Variants in ZNF470 observed in about 807,000 individuals in gnomAD.
ZNF470 encodes zinc finger protein 470, also known as chondrogenesis zinc finger protein 1.
Under a neutral mutation model 13.9 loss-of-function variants are expected in ZNF470, and 13 were observed. That is an observed-to-expected ratio of 0.94 (90% confidence interval 0.61 to 1.49). The LOEUF (loss-of-function observed/expected upper bound fraction) is 1.49, where lower values mean the gene tolerates loss of function less well. Among genes scored for constraint, ZNF470 ranks in the 40% most tolerant of loss-of-function variants. The pLI is 0.00. For synonymous variants in ZNF470, 293 were observed against 282.9 expected (o/e 1.04, Z -0.36); for missense variants, 929 against 857.3 (o/e 1.08, Z -1.04).
intron 3 of ZNF470, chr19:56,574,033 G>T: frequency 1.2e-6 from 1 of 809,400 alleles, no homozygotes. Flanking sequence ...GAGCTCTTTA[G>T]CTTCTCCATG....
At chr19:56,570,450 T>C (rs1010175278) in intron 3 of ZNF470, 79 bp downstream of exon 3, 1 of 1,431,628 alleles carries the variant, frequency 7.0e-7, no homozygotes. Context: ...CTTCTGAAAA[T>C]ATTGTGCTTA....
intron 3 of ZNF470, among the ~76,000 whole-genome samples, chr19:56,571,409 C>G (rs1033130543): frequency 6.6e-6 from 1 of 152,126 alleles, no homozygotes; most frequent in African/African-American, 2.4e-5. Flanking sequence ...CAAACTGACC[C>G]TACCCTAGAA....
chr19:56,569,439 T>TGC (rs2044434782), intron 2 of ZNF470, among the ~76,000 whole-genome samples: 1 of 152,210 alleles, frequency 6.6e-6, no homozygotes, highest in African/African-American at 2.4e-5. Flanking sequence ...CCTGGCCAAC[T>TGC]GCACAGAGGA....
At position 56,577,579 on chromosome 19, in the gene ZNF470, A is replaced by G; in HGVS notation, c.1150A>G (p.Ile384Val). ...AGCTTTCAGGCAGAATGCTTCTCTT[A>G]TACGTCATCGGCGATATTATCATAC... ...GKAFRQNASL[I>V]RHRRYYHTGE... The change falls in exon 6 of 6, where the codon ATA (isoleucine) becomes GTA (valine). Residue 384 changes from isoleucine (I) to valine (V), a missense_variant. Transcript: ENST00000330619. The G allele has an allele frequency of 6.2e-7, 1 of 1,614,018 alleles. No individual in the cohort carries two copies. Among genetic ancestry groups the G allele is most frequent in the Non-Finnish European group, 8.5e-7 (1 of 1,179,980 alleles).
In ZNF470 at chr19:56,578,587, C is replaced by T; in HGVS notation, c.*4C>T. The T allele has an allele frequency of 1.3e-6, 2 of 1,510,256 alleles. No homozygotes were observed. The highest frequency in any genetic ancestry group is 1.8e-6 in the Non-Finnish European group (2 of 1,128,942). The allele number at this position is 1,510,256 out of a possible 1,614,324, so 93.6% of individuals were successfully genotyped here. On this transcript the variant is annotated 3_prime_UTR_variant, in exon 6 of 6. Coordinates refer to ENST00000330619, the MANE Select transcript of ZNF470 (RefSeq NM_001001668.4). ...CCCATACCACCAAGTCCTATAGATT[C>T]AATCTCGTAAATGCTTCTAGCATCC...
intron 3 of ZNF470, among the ~76,000 whole-genome samples, chr19:56,572,142 CA>C (rs2044456197): frequency 6.7e-6 from 1 of 149,628 alleles, no homozygotes; most frequent in Admixed American, 6.7e-5. Flanking sequence ...CTCTTTTTCC[CA>C]GTGAAAGTTG....
rs373637207 is a variant in ZNF470, at chr19:56,578,141, G to A, written c.1712G>A (p.Gly571Glu). The A allele has an allele frequency of 2.5e-6, 4 of 1,613,948 alleles. No homozygotes were observed. Among genetic ancestry groups the A allele is most frequent in the Non-Finnish European group, 2.5e-6 (3 of 1,180,000 alleles). ...GEKPYECIEC[G>E]KAFSDGSYLV... ...AAGCCTTACGAATGTATTGAATGTG[G>A]GAAGGCCTTTAGTGATGGCTCATAT... Residue 571 changes from glycine (G) to glutamate (E), a missense_variant, in exon 6 of 6, where the codon GGG (glycine) becomes GAG (glutamate). Coordinates refer to ENST00000330619, the MANE Select transcript of ZNF470 (RefSeq NM_001001668.4).
intron 5 of ZNF470, 125 bp from the exon 6 acceptor site, chr19:56,576,588 A>G: frequency 1.4e-6 from 1 of 713,020 alleles, no homozygotes; most frequent in Non-Finnish European, 2.1e-6. Flanking sequence ...CTTATGTAAG[A>G]ACCATAAAAA....
intron 3 of ZNF470, among the ~76,000 whole-genome samples, chr19:56,572,340 C>CAAAA (rs564410370): frequency 2.0e-3 from 33 of 16,398 alleles, no homozygotes; most frequent in East Asian, 6.4e-3. Flanking sequence ...CCTGTCTCTA[C>CAAAA]AAAAAAAAAA....
chr19:56,567,730 G>A lies in ZNF470; in HGVS notation c.-467G>A. On this transcript the variant is annotated 5_prime_UTR_variant, in exon 1 of 6. Coordinates refer to ENST00000330619, the MANE Select transcript of ZNF470 (RefSeq NM_001001668.4). ...CCCGGTGTGTGACTGTCCGGTGCGT[G>A]GCCGCGAATCTGCGCCTGCGTGCAT... 1 of 988,342 alleles carries A rather than the reference G, an allele frequency of 1.0e-6. No individual in the cohort carries two copies. Among genetic ancestry groups the A allele is most frequent in the Non-Finnish European group, 1.2e-6 (1 of 832,216 alleles). The allele number at this position is 988,342 out of a possible 1,614,324, so 61.2% of individuals were successfully genotyped here. A position where few individuals can be genotyped will look rare whatever the true frequency, so the allele number is the denominator to read the frequency against.
chr19:56,577,077 A>T lies in ZNF470; in HGVS notation c.648A>T (p.Lys216Asn). 6.3e-7 allele frequency: 1 copy of T among 1,595,018 alleles called. No individual in the cohort carries two copies. The highest frequency in any genetic ancestry group is 8.5e-7 in the Non-Finnish European group (1 of 1,174,672). The change falls in exon 6 of 6, where the codon AAA becomes AAT. Residue 216 changes from lysine to asparagine, a missense_variant. Transcript: ENST00000330619. ...KKSLKTHSVV[K>N]KHKQDRGEKK... is the part of the protein sequence containing the mutation. ...GCTTAAAAACACATTCAGTTGTGAA[A>T]AAACACAAGCAAGACCGTGGAGAAA...
At position 56,581,824 on chromosome 19, in the gene ZNF470, G is replaced by T; in HGVS notation, c.*3241G>T. On this transcript the variant is annotated 3_prime_UTR_variant, in exon 6 of 6. Transcript: ENST00000330619. Reference sequence around the variant, plus strand: ...TTTGATGGACGTGGCCAATAAAATTGTCTCTGAATTTCAAAAGGCATTTGG... The same window carrying T: ...TTTGATGGACGTGGCCAATAAAATTTTCTCTGAATTTCAAAAGGCATTTGG... The T allele has an allele frequency of 1.0e-6, 1 of 985,352 alleles. No homozygotes were observed. The highest frequency in any genetic ancestry group is 1.2e-6 in the Non-Finnish European group (1 of 829,934). 61.0% of individuals were successfully genotyped at this position (985,352 alleles called of 1,614,324 possible).
chr19:56,569,673 C>T (rs189630956), intron 2 of ZNF470, among the ~76,000 whole-genome samples: 1 of 152,118 alleles, frequency 6.6e-6, no homozygotes, highest in Non-Finnish European at 1.5e-5. Context: ...CATGGTGGCT[C>T]ATGCTTGTAA....
chr19:56,576,179 A>T (rs776756876), intron 5 of ZNF470, among the ~76,000 whole-genome samples: 111 of 152,324 alleles, frequency 7.3e-4, no homozygotes, highest in South Asian at 6.4e-3. Flanking sequence ...ATGATATTCT[A>T]GAAGAATATA....
In ZNF470 at chr19:56,577,893, A is replaced by G. The variant is rs779693482; in HGVS notation, c.1464A>G (p.Lys488=). ...EKPYECKECG[K]AFRQSTHLAH... is the part of the protein sequence containing the mutation. ...CCTATGAATGTAAAGAATGTGGGAA[A>G]GCTTTCCGGCAGAGCACGCATCTGG... Residue 488 remains lysine (K), a synonymous_variant, in exon 6 of 6, where the codon AAA becomes AAG. Transcript: ENST00000330619. The G allele has an allele frequency of 1.3e-5, 21 of 1,613,676 alleles. No individual in the cohort carries two copies. Among genetic ancestry groups the G allele is most frequent in the Admixed American group, 6.7e-5 (4 of 59,980 alleles).
Position 56,574,751 on chromosome 19 carries a change from A to G in ZNF470, c.283+18A>G, listed in dbSNP as rs764523575. 6.3e-7 allele frequency: 1 copy of G among 1,599,490 alleles called. No individual in the cohort carries two copies. The highest frequency in any genetic ancestry group is 8.6e-7 in the Non-Finnish European group (1 of 1,169,516). On this transcript the variant is annotated intron_variant, in intron 5 of 5. Transcript: ENST00000330619. ...GTGCCCAGGTAAGTGGAGGATACCT[A>G]GAGATAAAGGAACTGTTCTCAACAT...
chr19:56,577,894 G>C lies in ZNF470; in HGVS notation c.1465G>C (p.Ala489Pro). ...KPYECKECGK[A>P]FRQSTHLAHH... is the part of the protein sequence containing the mutation. Reference sequence around the variant, plus strand: ...CTATGAATGTAAAGAATGTGGGAAAGCTTTCCGGCAGAGCACGCATCTGGC... The same window carrying C: ...CTATGAATGTAAAGAATGTGGGAAACCTTTCCGGCAGAGCACGCATCTGGC... The change falls in exon 6 of 6, where the codon GCT becomes CCT. Residue 489 changes from alanine to proline, a missense_variant. Ala to Pro is a conservative substitution (Grantham distance 27, BLOSUM62 -1). Coordinates refer to ENST00000330619, the MANE Select transcript of ZNF470 (RefSeq NM_001001668.4). 2.5e-6 allele frequency: 4 copies of C among 1,613,992 alleles called. No homozygotes were observed. Among genetic ancestry groups the C allele is most frequent in the Non-Finnish European group, 3.4e-6 (4 of 1,179,932 alleles).
Position 56,576,963 on chromosome 19 carries a change from G to T in ZNF470, c.534G>T (p.Gly178=). Residue 178 remains glycine, a synonymous_variant, in exon 6 of 6, where the codon GGG becomes GGT. Transcript: ENST00000330619. Reference sequence around the variant, plus strand: ...AAAGAGATCACTCTAACAAATCTGGGACAGTTTTTCATCTGAATACATTAT... The same window carrying T: ...AAAGAGATCACTCTAACAAATCTGGTACAGTTTTTCATCTGAATACATTAT... The part of the protein sequence containing the change: ...IEKRDHSNKS[G]TVFHLNTLSY... The T allele has an allele frequency of 1.3e-6, 2 of 1,588,074 alleles. No homozygotes were observed. The highest frequency in any genetic ancestry group is 1.7e-6 in the Non-Finnish European group (2 of 1,171,936).
rs765960496 is a variant in ZNF470 at position 56,581,803 on chromosome 19, A to T, written c.*3220A>T. 6.2e-5 allele frequency: 61 copies of T among 985,264 alleles called. 1 individual carries two copies. The Middle Eastern group carries it at 2.1e-3, about 34-fold the overall frequency. 61.0% of individuals were successfully genotyped at this position (985,264 alleles called of 1,614,324 possible). ...GGCCATACCCTACCATATGTTTTTG[A>T]TGGACGTGGCCAATAAAATTGTCTC... On this transcript the variant is annotated 3_prime_UTR_variant, in exon 6 of 6. Coordinates refer to ENST00000330619, the MANE Select transcript of ZNF470 (RefSeq NM_001001668.4).
Sources: allele counts gnomAD v4.1 joint callset (sites outside exome capture counted in the v4.1 genomes callset), GRCh38; gene constraint gnomAD v4.1.1; transcripts MANE v1.5; gene names NCBI Gene and HGNC (gene_info 2026-07-23, HGNC 2026-07-21).